The following IL1RL1 variants were observed in gnomAD, a reference collection of about 807,000 sequenced individuals.
The protein encoded by IL1RL1 is interleukin 1 receptor like 1.
A neutral mutation model predicts 50.9 loss-of-function variants in IL1RL1; 32 were observed. The observed-to-expected ratio is 0.63, with a 90% CI of 0.47 to 0.84. IL1RL1 has a LOEUF of 0.84. IL1RL1 is among the 40% of genes least tolerant of loss of function. The pLI is 0.00. For synonymous variants in IL1RL1, 275 were observed against 236.0 expected (o/e 1.17, Z -1.51); for missense variants, 773 against 662.9 (o/e 1.17, Z -1.82).
In IL1RL1 at chr2:102,330,794, C is replaced by T. The variant is rs188555828; in HGVS notation, c.-149-7322C>T. 8.7e-4 allele frequency among the ~76,000 whole-genome samples: 132 copies of T among 152,226 alleles called. 1 individual carries two copies. The highest frequency in any genetic ancestry group is 3.0e-3 in the African/African-American group (126 of 41,536). ...TGATGTCTTTGAAGAAGAAAAGTTT[C>T]TAATTTTAATAAAGTCCCAGCTATG... is the stretch of plus-strand genomic sequence containing the variant. On this transcript the variant is annotated intron_variant, in intron 1 of 10. Coordinates refer to ENST00000233954, the MANE Select transcript of IL1RL1 (RefSeq NM_016232.5).
In IL1RL1 at chr2:102,343,427, T is replaced by G; in HGVS notation, c.970+12T>G. ...TAGGAAAAATCCAAGTAAGGAGTGT[T>G]TCTGAGACTTTGATCACCTGAACTT... is the stretch of plus-strand genomic sequence containing the variant. On this transcript the variant is annotated intron_variant, in intron 8 of 10. Coordinates refer to ENST00000233954, the MANE Select transcript of IL1RL1 (RefSeq NM_016232.5). 1 of 1,614,198 alleles carries G rather than the reference T, an allele frequency of 6.2e-7. No individual in the cohort carries two copies. Among genetic ancestry groups the G allele is most frequent in the Non-Finnish European group, 8.5e-7 (1 of 1,180,030 alleles).
intron 1 of IL1RL1, among the ~76,000 whole-genome samples, chr2:102,314,269 C>T (rs1364615540): frequency 1.3e-5 from 2 of 152,152 alleles, no homozygotes; most frequent in African/African-American, 2.4e-5. Flanking sequence ...GGGATGAAAC[C>T]AAGTCCTTGC....
intron 4 of IL1RL1, 86 bp from the exon 5 acceptor site, chr2:102,340,580 C>T: frequency 7.1e-7 from 1 of 1,404,814 alleles, no homozygotes; most frequent in Non-Finnish European, 9.8e-7. Context: ...ACCACTCACT[C>T]CAGCCTAGGC....
intron 5 of IL1RL1, chr2:102,341,346 C>T (rs1301679160): frequency 8.2e-7 from 1 of 1,226,396 alleles, no homozygotes; most frequent in Non-Finnish European, 1.0e-6. Flanking sequence ...TCAACATCAT[C>T]AATGGCCTTG....
intron 1 of IL1RL1, among the ~76,000 whole-genome samples, chr2:102,327,253 T>G (rs1368002553): frequency 6.6e-6 from 1 of 152,084 alleles, no homozygotes. Flanking sequence ...CCTGAATGAC[T>G]ACTGGGTACA....
chr2:102,337,256 T>C (rs1446712526), intron 1 of IL1RL1: 1 of 152,268 alleles, frequency 6.6e-6, no homozygotes, highest in Non-Finnish European at 1.5e-5. Flanking sequence ...GAGTAGTCTA[T>C]GAGGAGGGAC....
At chr2:102,323,215 A>G (rs1363358082) in intron 1 of IL1RL1, among the ~76,000 whole-genome samples, 3 of 148,498 alleles carry the variant, frequency 2.0e-5, no homozygotes, top group African/African-American at 5.1e-5. Context: ...ATTGAGCCAT[A>G]CAGTAGATGT....
intron 2 of IL1RL1, among the ~76,000 whole-genome samples, chr2:102,338,590 T>C (rs1239818276): frequency 6.6e-6 from 1 of 152,206 alleles, no homozygotes; most frequent in Non-Finnish European, 1.5e-5. Context: ...TGGATGTTTA[T>C]TGACTGACAC....
chr2:102,319,155 T>C (rs181374771), intron 1 of IL1RL1, among the ~76,000 whole-genome samples: 2 of 152,282 alleles, frequency 1.3e-5, no homozygotes, highest in East Asian at 3.9e-4. Context: ...TTGCAATGTG[T>C]TTGGCTGTAC....
At chr2:102,349,296 C>T in intron 10 of IL1RL1, 50 bp downstream of exon 10, 1 of 1,516,084 alleles carries the variant, frequency 6.6e-7, no homozygotes, top group African/African-American at 1.4e-5. Flanking sequence ...TTATTAAAGG[C>T]TGTGAACTAG....
chr2:102,346,957 T>C (rs968798248), intron 8 of IL1RL1, among the ~76,000 whole-genome samples: 2 of 152,246 alleles, frequency 1.3e-5, no homozygotes, highest in Non-Finnish European at 2.9e-5. Context: ...TGCATCTACA[T>C]TTTGTGAAGC....
intron 1 of IL1RL1, among the ~76,000 whole-genome samples, chr2:102,332,602 A>G (rs976286437): frequency 6.6e-6 from 1 of 152,236 alleles, no homozygotes; most frequent in African/African-American, 2.4e-5. Flanking sequence ...TTCAGAATAG[A>G]TAAACCCATA....
intron 1 of IL1RL1, among the ~76,000 whole-genome samples, chr2:102,322,827 C>A (rs143255319): frequency 1.3e-5 from 2 of 152,274 alleles, no homozygotes; most frequent in African/African-American, 4.8e-5. Flanking sequence ...TCCACATACT[C>A]TCTAGTTTCC....
intron 1 of IL1RL1, among the ~76,000 whole-genome samples, chr2:102,324,047 T>C (rs1477620012): frequency 6.7e-6 from 1 of 149,032 alleles, no homozygotes; most frequent in East Asian, 2.0e-4. Flanking sequence ...TGTTCCATTG[T>C]ATGAATATAG....
chr2:102,342,074 T>C (rs962125595), intron 5 of IL1RL1, 149 bp from the exon 6 acceptor site: 8 of 564,648 alleles, frequency 1.4e-5, no homozygotes, highest in Admixed American at 3.0e-5. Context: ...TGTGTGTGTG[T>C]GTGTGTGTGT....
chr2:102,318,493 T>C (rs1448340424), intron 1 of IL1RL1, among the ~76,000 whole-genome samples: 1 of 152,146 alleles, frequency 6.6e-6, no homozygotes, highest in Non-Finnish European at 1.5e-5. Flanking sequence ...CAGGTTATTT[T>C]TGTGATGTCT....
intron 1 of IL1RL1, among the ~76,000 whole-genome samples, chr2:102,326,540 T>C (rs1037092086): frequency 1.3e-5 from 2 of 152,130 alleles, no homozygotes; most frequent in African/African-American, 4.8e-5. Context: ...GTGCTCCAAT[T>C]AAAAGACACA....
chr2:102,324,743 C>T (rs1676942448), intron 1 of IL1RL1, among the ~76,000 whole-genome samples: 1 of 152,190 alleles, frequency 6.6e-6, no homozygotes, highest in Non-Finnish European at 1.5e-5. Context: ...CCCGTGGAGC[C>T]TCGCTCGTTG....
Position 102,334,049 on chromosome 2 carries a change from T to C in IL1RL1, c.-149-4067T>C, listed in dbSNP as rs149538927. Reference sequence around the variant, plus strand: ...AACCGTGCTGCAGTGAACATACTAGTAGAGGTGGAGAGGTGTCTTTTTTAT... The same window carrying C: ...AACCGTGCTGCAGTGAACATACTAGCAGAGGTGGAGAGGTGTCTTTTTTAT... On this transcript the variant is annotated intron_variant, in intron 1 of 10. Transcript: ENST00000233954. 8.9e-4 allele frequency among the ~76,000 whole-genome samples: 136 copies of C among 152,268 alleles called. 1 individual carries two copies. The highest frequency in any genetic ancestry group is 3.1e-3 in the African/African-American group (128 of 41,546).
Sources: allele counts gnomAD v4.1 joint callset (sites outside exome capture counted in the v4.1 genomes callset), GRCh38; gene constraint gnomAD v4.1.1; transcripts MANE v1.5; gene names NCBI Gene and HGNC (gene_info 2026-07-23, HGNC 2026-07-21).